Variants in MBD5 observed in about 807,000 individuals in gnomAD.
MBD5 encodes methyl-CpG binding domain protein 5.
In MBD5, 13 loss-of-function variants were observed where a neutral mutation model predicts 117.3. That is an observed-to-expected ratio of 0.11 (90% CI 0.07 to 0.18). The LOEUF is 0.18. MBD5 is among the 10% of genes least tolerant of loss of function. The pLI is 1.00. For missense variants in MBD5, 1,879 were observed against 2,093.8 expected, an observed-to-expected ratio of 0.90 and a Z score of 2.00; for synonymous variants, 727 against 766.4, an observed-to-expected ratio of 0.95 and a Z score of 0.85.
intron 1 of MBD5, among the ~76,000 whole-genome samples, chr2:148,058,731 AATAG>A (rs1347530535): frequency 6.6e-6 from 1 of 152,120 alleles, no homozygotes; most frequent in Non-Finnish European, 1.5e-5. Flanking sequence ...AGTTTCCTCA[AATAG>A]ATTTTATTAT....
intron 4 of MBD5, among the ~76,000 whole-genome samples, chr2:148,448,275 TC>T (rs1706627413): frequency 6.6e-6 from 1 of 152,006 alleles, no homozygotes; most frequent in South Asian, 2.1e-4. Context: ...GAAATAATCT[TC>T]CTCCTCTTGT....
At chr2:148,189,387 C>T (rs1213127130) in intron 2 of MBD5, among the ~76,000 whole-genome samples, 5 of 150,930 alleles carry the variant, frequency 3.3e-5, no homozygotes, top group African/African-American at 1.2e-4. Context: ...CAGTGGTTCT[C>T]CCAGCACACA....
At chr2:148,043,452 CAAATAAATAAATAAATAAAT>C (rs137863555) in intron 1 of MBD5, among the ~76,000 whole-genome samples, 1 of 142,854 alleles carries the variant, frequency 7.0e-6, no homozygotes, top group Non-Finnish European at 1.5e-5. Flanking sequence ...GACTCCTTCT[CAAATAAATAAATAAATAAAT>C]AAATAAATAA....
intron 4 of MBD5, among the ~76,000 whole-genome samples, chr2:148,417,036 G>A (rs189881442): frequency 6.5e-4 from 99 of 152,062 alleles, no homozygotes; most frequent in Non-Finnish European, 1.1e-3. Context: ...TCCACTCATC[G>A]GTTGATGAAC....
Position 148,513,190 on chromosome 2 carries a change from C to G in MBD5, c.*249C>G. On this transcript the variant is annotated 3_prime_UTR_variant, in exon 14 of 14. Coordinates refer to ENST00000642680, the MANE Select transcript of MBD5 (RefSeq NM_001378120.1). ...CAATGGTCAAGAGATTACTGAGAAA[C>G]TCTTTTTCTATAATACTAAATTGTG... 1 of 486,958 alleles carries G rather than the reference C, an allele frequency of 2.1e-6. No individual in the cohort carries two copies. Among genetic ancestry groups the G allele is most frequent in the Non-Finnish European group, 3.7e-6 (1 of 270,756 alleles). 30.2% of individuals were successfully genotyped at this position (486,958 alleles called of 1,614,324 possible).
intron 2 of MBD5, among the ~76,000 whole-genome samples, chr2:148,229,227 T>C (rs753596318): frequency 6.6e-6 from 1 of 152,120 alleles, no homozygotes; most frequent in Non-Finnish European, 1.5e-5. Context: ...CAGCCTATCT[T>C]CAAGCTCATT....
At chr2:148,086,889 A>G (rs1258754559) in intron 1 of MBD5, among the ~76,000 whole-genome samples, 1 of 152,062 alleles carries the variant, frequency 6.6e-6, no homozygotes, top group African/African-American at 2.4e-5. Context: ...TGAATTACCC[A>G]TTTGACCCTT....
intron 4 of MBD5, among the ~76,000 whole-genome samples, chr2:148,418,441 C>T (rs1202451701): frequency 6.6e-6 from 1 of 152,026 alleles, no homozygotes; most frequent in Non-Finnish European, 1.5e-5. Flanking sequence ...CTCTGTTTGC[C>T]AATGATGTGA....
intron 1 of MBD5, among the ~76,000 whole-genome samples, chr2:148,098,448 C>T (rs1260964466): frequency 6.6e-6 from 1 of 152,030 alleles, no homozygotes. Flanking sequence ...GATTTTTCAG[C>T]ATATAGATCC....
chr2:148,284,141 G>A (rs1044541913), intron 3 of MBD5, among the ~76,000 whole-genome samples: 1 of 151,956 alleles, frequency 6.6e-6, no homozygotes, highest in Non-Finnish European at 1.5e-5. Flanking sequence ...ATGGAGTTTG[G>A]GGGATTAAAT....
intron 4 of MBD5, among the ~76,000 whole-genome samples, chr2:148,354,008 C>A (rs1241147381): frequency 6.6e-6 from 1 of 151,384 alleles, no homozygotes; most frequent in Non-Finnish European, 1.5e-5. Flanking sequence ...GTACACCCAC[C>A]TTCTCCTTCA....
chr2:148,241,599 G>C (rs1158444479), intron 3 of MBD5, among the ~76,000 whole-genome samples: 13 of 151,714 alleles, frequency 8.6e-5, no homozygotes, highest in Admixed American at 7.2e-4. Context: ...TCCTTTCTGG[G>C]CCCCCCCTCC....
At chr2:148,248,579 A>G (rs1259180892) in intron 3 of MBD5, among the ~76,000 whole-genome samples, 3 of 152,138 alleles carry the variant, frequency 2.0e-5, no homozygotes, top group Non-Finnish European at 4.4e-5. Context: ...GTCAGAAACT[A>G]TATTCCAAAG....
At chr2:148,296,863 A>ATTTTTTTT (rs1559010681) in intron 3 of MBD5, among the ~76,000 whole-genome samples, 1,381 of 37,068 alleles carry the variant, frequency 0.037, 6 homozygotes, top group Non-Finnish European at 0.064. Flanking sequence ...TTAGTTCTTC[A>ATTTTTTTT]ATTTTTTTTT....
chr2:148,345,376 CATATACACATATACATATACAT>C (rs1221039426), intron 4 of MBD5, among the ~76,000 whole-genome samples: 29 of 129,440 alleles, frequency 2.2e-4, no homozygotes, highest in Non-Finnish European at 3.3e-4. Flanking sequence ...TACATATACA[CATATACACATATACATATACAT>C]ATATACACAT....
intron 3 of MBD5, among the ~76,000 whole-genome samples, chr2:148,290,790 T>C (rs1326124642): frequency 6.6e-6 from 1 of 152,230 alleles, no homozygotes; most frequent in East Asian, 1.9e-4. Context: ...TTCTACTTTT[T>C]AGCTATAGTG....
At chr2:148,138,539 G>A (rs967920842) in intron 1 of MBD5, among the ~76,000 whole-genome samples, 2 of 152,124 alleles carry the variant, frequency 1.3e-5, no homozygotes, top group Non-Finnish European at 2.9e-5. Context: ...ATGTCACCTC[G>A]GGAAAGATAA....
intron 4 of MBD5, among the ~76,000 whole-genome samples, chr2:148,414,726 G>GTCTTTTTTGATCATTGTTGGTTGA (rs1284574116): frequency 6.6e-6 from 1 of 152,096 alleles, no homozygotes; most frequent in Non-Finnish European, 1.5e-5. Context: ...GCTCTTCTTT[G>GTCTTTTTTGATCATTGTTGGTTGA]TCTTTTTTGA....
At chr2:148,362,497 T>C (rs1284775433) in intron 4 of MBD5, among the ~76,000 whole-genome samples, 4 of 152,064 alleles carry the variant, frequency 2.6e-5, no homozygotes, top group South Asian at 2.1e-4. Context: ...CAGGGACATA[T>C]ACATAAAACT....
Sources: allele counts gnomAD v4.1 joint callset (sites outside exome capture counted in the v4.1 genomes callset), GRCh38; gene constraint gnomAD v4.1.1; transcripts MANE v1.5; gene names NCBI Gene and HGNC (gene_info 2026-07-23, HGNC 2026-07-21).